OSBPL10: variants seen among roughly 807,000 people sequenced by gnomAD.
The protein encoded by OSBPL10 is oxysterol binding protein like 10, also known as oxysterol-binding protein-related protein 10.
OSBPL10 carries 49 observed loss-of-function variants against 81.7 expected under a neutral mutation model. The ratio of observed to expected loss-of-function variants is 0.60; its 90% CI spans 0.48 to 0.76. The LOEUF is 0.76. Ranked by LOEUF, OSBPL10 falls within the 30% of genes least tolerant of loss-of-function variation. The probability of loss-of-function intolerance (pLI) is 0.00; values close to 1 mark genes in which losing one functional copy is unlikely to be tolerated. For missense variants in OSBPL10, 923 were observed against 987.8 expected, an observed-to-expected ratio of 0.93 and a Z score of 0.88; for synonymous variants, 419 against 383.6, an observed-to-expected ratio of 1.09 and a Z score of -1.08.
chr3:31,945,353 A>G (rs1697669924), intron 1 of OSBPL10, among the ~76,000 whole-genome samples: 1 of 152,054 alleles, frequency 6.6e-6, no homozygotes, highest in Non-Finnish European at 1.5e-5. Flanking sequence ...GTCACCACAA[A>G]TATGCTCTAG....
chr3:32,071,339 T>A (rs1400031339), intron 1 of OSBPL10, among the ~76,000 whole-genome samples: 1 of 152,206 alleles, frequency 6.6e-6, no homozygotes, highest in Non-Finnish European at 1.5e-5. Context: ...AACCATTACA[T>A]AAACTCACAA....
upstream of OSBPL10, among the ~76,000 whole-genome samples, chr3:31,983,805 G>A (rs1410751896): frequency 6.6e-6 from 1 of 152,192 alleles, no homozygotes; most frequent in African/African-American, 2.4e-5. Context: ...AAGTCTTTAT[G>A]TTTGAAAAAC....
chr3:31,840,622 T>C (rs907960968), intron 3 of OSBPL10, among the ~76,000 whole-genome samples: 2 of 152,246 alleles, frequency 1.3e-5, no homozygotes, highest in African/African-American at 2.4e-5. Flanking sequence ...CTAACCCACC[T>C]ACAGTGATAG....
intron 1 of OSBPL10, among the ~76,000 whole-genome samples, chr3:31,971,127 TTTTTC>T (rs1462298478): frequency 7.6e-6 from 1 of 131,086 alleles, no homozygotes; most frequent in Non-Finnish European, 1.5e-5. Context: ...TTTCTGTTTT[TTTTTC>T]TTTTTTCTTT....
chr3:31,682,396 C>T (rs191504837), intron 8 of OSBPL10, among the ~76,000 whole-genome samples: 1 of 152,348 alleles, frequency 6.6e-6, no homozygotes, highest in African/African-American at 2.4e-5. Flanking sequence ...ACCTCCCTGA[C>T]CTCCACCTGC....
intron 3 of OSBPL10, among the ~76,000 whole-genome samples, chr3:31,857,047 C>T (rs192651593): frequency 6.3e-4 from 96 of 152,292 alleles, no homozygotes; most frequent in African/African-American, 2.3e-3. Context: ...CAGAGTGAGA[C>T]CCTGCCTTGA....
chr3:31,688,822 C>T (rs536861471), intron 7 of OSBPL10, among the ~76,000 whole-genome samples: 118 of 152,268 alleles, frequency 7.7e-4, no homozygotes, highest in Non-Finnish European at 1.2e-3. Context: ...TGGTAAGGAA[C>T]CAGAGCCTGA....
Position 31,871,959 on chromosome 3 carries a change from T to C in OSBPL10, c.537+4474A>G, listed in dbSNP as rs574513442. On this transcript the variant is annotated intron_variant, in intron 3 of 11. Coordinates refer to ENST00000396556, the MANE Select transcript of OSBPL10 (RefSeq NM_017784.5). ...TTCAAAGTCATACACAAGTAGATTC[T>C]CATAAGAATGGCTTTATGACTCTCT... Among the ~76,000 whole-genome samples, 3 of 152,326 alleles carry C rather than the reference T, an allele frequency of 2.0e-5. No homozygotes were observed. The South Asian group carries it at 6.2e-4, about 32-fold the overall frequency.
intron 6 of OSBPL10, among the ~76,000 whole-genome samples, chr3:31,712,580 C>T (rs1696296055): frequency 6.6e-6 from 1 of 152,198 alleles, no homozygotes; most frequent in Non-Finnish European, 1.5e-5. Context: ...TGTGGGCAGC[C>T]TCTAGAAACT....
At chr3:31,998,699 T>C (rs1699115428) in intron 2 of OSBPL10, among the ~76,000 whole-genome samples, 1 of 152,208 alleles carries the variant, frequency 6.6e-6, no homozygotes, top group Non-Finnish European at 1.5e-5. Flanking sequence ...TCAATTCTGC[T>C]CATACTGAGA....
chr3:31,691,982 C>G (rs17027992), intron 7 of OSBPL10, among the ~76,000 whole-genome samples: 4 of 152,144 alleles, frequency 2.6e-5, no homozygotes, highest in African/African-American at 7.2e-5. Flanking sequence ...TTTCCTTAAC[C>G]TGCCAGGTTC....
intron 7 of OSBPL10, among the ~76,000 whole-genome samples, chr3:31,697,370 A>C (rs1250366568): frequency 8.5e-6 from 1 of 117,340 alleles, no homozygotes; most frequent in African/African-American, 3.6e-5. Context: ...TCCAGATTGC[A>C]TAACCATGAA....
intron 1 of OSBPL10, among the ~76,000 whole-genome samples, chr3:31,931,846 G>A (rs1476944740): frequency 6.6e-6 from 1 of 152,182 alleles, no homozygotes; most frequent in East Asian, 1.9e-4. Context: ...GGAGCCTGAG[G>A]TGGGTGGATC....
At chr3:31,839,875 G>A in intron 3 of OSBPL10, among the ~76,000 whole-genome samples, 1 of 37,932 alleles carries the variant, frequency 2.6e-5, no homozygotes. Context: ...CAGACACAGA[G>A]AATGACAAGC....
At chr3:32,031,596 G>A (rs1340623979) in intron 2 of OSBPL10, among the ~76,000 whole-genome samples, 1 of 152,032 alleles carries the variant, frequency 6.6e-6, no homozygotes, top group Admixed American at 6.6e-5. Context: ...CAAGTAGCTG[G>A]GACTACAGGC....
chr3:31,776,737 G>A (rs898681842), intron 4 of OSBPL10, among the ~76,000 whole-genome samples: 3 of 152,174 alleles, frequency 2.0e-5, no homozygotes, highest in Non-Finnish European at 2.9e-5. Flanking sequence ...ATATTCAGAA[G>A]AGGCAAATCC....
chr3:31,789,629 G>A (rs1440324070), intron 4 of OSBPL10, among the ~76,000 whole-genome samples: 2 of 152,146 alleles, frequency 1.3e-5, no homozygotes, highest in East Asian at 3.9e-4. Flanking sequence ...GAAAGATACC[G>A]TGAGGGCAAG....
At chr3:31,702,616 C>G in intron 6 of OSBPL10, 108 bp from the exon 7 acceptor site, 2 of 1,444,896 alleles carry the variant, frequency 1.4e-6, no homozygotes, top group Non-Finnish European at 1.9e-6. Flanking sequence ...AATCCTGTCC[C>G]GGGCAGAGCT....
chr3:31,701,376 G>A (rs1027299560), intron 7 of OSBPL10, among the ~76,000 whole-genome samples: 4 of 152,084 alleles, frequency 2.6e-5, no homozygotes, highest in Non-Finnish European at 5.9e-5. Context: ...CACCCTCCCC[G>A]CAGATCATGT....
Sources: allele counts gnomAD v4.1 joint callset (sites outside exome capture counted in the v4.1 genomes callset), GRCh38; gene constraint gnomAD v4.1.1; transcripts MANE v1.5; gene names NCBI Gene and HGNC (gene_info 2026-07-23, HGNC 2026-07-21).